CLTCL1: variants seen among roughly 807,000 people sequenced by gnomAD.
The protein encoded by CLTCL1 is clathrin heavy chain 2.
Under a neutral mutation model 190.0 loss-of-function variants are expected in CLTCL1, and 159 were observed. That is an observed-to-expected ratio of 0.84 (90% CI 0.74 to 0.95). The LOEUF is 0.95. CLTCL1 is among the 40% of genes least tolerant of loss of function. The probability of loss-of-function intolerance (pLI) is 0.00; values close to 1 mark genes in which losing one functional copy is unlikely to be tolerated. For missense variants in CLTCL1, 1,878 were observed against 2,033.4 expected (o/e 0.92, Z 1.47); for synonymous variants, 752 against 769.6 (o/e 0.98, Z 0.38).
chr22:19,217,709 G>A (rs528883623), intron 18 of CLTCL1, among the ~76,000 whole-genome samples: 51 of 150,974 alleles, frequency 3.4e-4, no homozygotes, highest in Middle Eastern at 6.9e-3. Flanking sequence ...TTAGCCAGGC[G>A]TGGCGGCAGG....
chr22:19,187,839 A>G, intron 28 of CLTCL1, 111 bp from the exon 29 acceptor site: 2 of 1,365,944 alleles, frequency 1.5e-6, no homozygotes, highest in Non-Finnish European at 2.1e-6. Context: ...AGCCTTAGAA[A>G]GGCCCCTGCC....
At chr22:19,233,970 C>T (rs1555960579) in intron 7 of CLTCL1, among the ~76,000 whole-genome samples, 1 of 152,172 alleles carries the variant, frequency 6.6e-6, no homozygotes, top group Non-Finnish European at 1.5e-5. Context: ...ATGGTTTGTT[C>T]ACAACTACCC....
intron 2 of CLTCL1, among the ~76,000 whole-genome samples, chr22:19,262,177 C>T (rs2086970842): frequency 6.6e-6 from 1 of 151,866 alleles, no homozygotes; most frequent in African/African-American, 2.4e-5. Flanking sequence ...AGGAGCGTGC[C>T]ACCAGGCCCA....
Sources: gnomAD v4.1 joint callset for allele counts (sites outside exome capture counted in the v4.1 genomes callset) on GRCh38, gnomAD v4.1.1 for gene constraint, MANE v1.5 for transcripts, NCBI Gene and HGNC (gene_info 2026-07-23, HGNC 2026-07-21) for gene names.